Variants in TUNAR observed in about 807,000 individuals in gnomAD.
The protein encoded by TUNAR is protein TUNAR.
chr14:95,909,749 A>G lies in TUNAR; in HGVS notation c.13-13032A>G, dbSNP rs1177162612. ...CAGGGGCCAGAGGACATGGAGGTGA[A>G]TCTGACCCACCCAGGCCTGTCCTTC... is the stretch of plus-strand genomic sequence containing the variant. On this transcript the variant is annotated intron_variant, in intron 2 of 2. Transcript: ENST00000678517. Among the ~76,000 whole-genome samples, 4 of 152,174 alleles carry G rather than the reference A, an allele frequency of 2.6e-5. No homozygotes were observed. In the South Asian group the frequency reaches 6.2e-4, roughly 24 times the overall value.
intron 2 of TUNAR, among the ~76,000 whole-genome samples, chr14:95,898,919 T>C (rs1889305441): frequency 6.6e-6 from 1 of 152,192 alleles, no homozygotes. Context: ...GTTGTGAGAT[T>C]GTTCTTTGGC....
intron 2 of TUNAR, among the ~76,000 whole-genome samples, chr14:95,918,585 G>A (rs543905929): frequency 1.6e-4 from 25 of 152,310 alleles, no homozygotes; most frequent in Admixed American, 4.6e-4. Flanking sequence ...ACAAACACCC[G>A]AGGTGCAACT....
intron 2 of TUNAR, among the ~76,000 whole-genome samples, chr14:95,906,419 A>AT (rs71132379): frequency 6.6e-6 from 1 of 152,060 alleles, no homozygotes; most frequent in Admixed American, 6.5e-5. Context: ...CTTTCCTGCA[A>AT]TTTTTTTCCC....
At chr14:95,882,914 C>T (rs1205537845) in intron 2 of TUNAR, among the ~76,000 whole-genome samples, 2 of 152,118 alleles carry the variant, frequency 1.3e-5, no homozygotes, top group Admixed American at 6.5e-5. Flanking sequence ...AAAGTGAATG[C>T]CCCTGAGAGC....
At chr14:95,918,052 T>G (rs773850106) in intron 2 of TUNAR, among the ~76,000 whole-genome samples, 4 of 152,242 alleles carry the variant, frequency 2.6e-5, no homozygotes, top group Non-Finnish European at 4.4e-5. Flanking sequence ...AAGCTTTATG[T>G]CAGACATTGA....
At chr14:95,883,847 A>T (rs1347691500) in intron 2 of TUNAR, among the ~76,000 whole-genome samples, 1 of 152,212 alleles carries the variant, frequency 6.6e-6, no homozygotes, top group African/African-American at 2.4e-5. Flanking sequence ...ATTAAAATGC[A>T]TATGGGTGGA....
chr14:95,878,948 A>G (rs1273394193), intron 2 of TUNAR, among the ~76,000 whole-genome samples: 3 of 152,214 alleles, frequency 2.0e-5, no homozygotes, highest in Non-Finnish European at 2.9e-5. Flanking sequence ...CATAGGTAAA[A>G]CATTCCCAGC....
At chr14:95,916,365 A>T (rs964799441) in intron 2 of TUNAR, among the ~76,000 whole-genome samples, 1 of 152,182 alleles carries the variant, frequency 6.6e-6, no homozygotes, top group African/African-American at 2.4e-5. Context: ...TTCCCACATA[A>T]GTGGGAACAT....
chr14:95,886,103 G>C (rs918486654), intron 2 of TUNAR, among the ~76,000 whole-genome samples: 1 of 152,208 alleles, frequency 6.6e-6, no homozygotes, highest in South Asian at 2.1e-4. Context: ...CGAGCCATGG[G>C]TCTCCCTGTG....
intron 2 of TUNAR, among the ~76,000 whole-genome samples, chr14:95,883,448 G>T (rs180835336): frequency 3.9e-5 from 6 of 152,310 alleles, no homozygotes; most frequent in Admixed American, 3.9e-4. Flanking sequence ...AGGGACAACA[G>T]TTTAACAAAC....
chr14:95,893,586 C>T (rs1213897257), intron 2 of TUNAR, among the ~76,000 whole-genome samples: 2 of 152,098 alleles, frequency 1.3e-5, no homozygotes, highest in Non-Finnish European at 2.9e-5. Flanking sequence ...CCCCACTCCC[C>T]ATCAAGCAGC....
intron 2 of TUNAR, among the ~76,000 whole-genome samples, chr14:95,882,059 A>G (rs1888988346): frequency 3.9e-5 from 6 of 152,224 alleles, no homozygotes; most frequent in Admixed American, 2.6e-4. Flanking sequence ...GATGAGAAAA[A>G]TTAGACAGAA....
intron 2 of TUNAR, among the ~76,000 whole-genome samples, chr14:95,914,974 A>G (rs539765971): frequency 1.2e-3 from 182 of 152,330 alleles, no homozygotes; most frequent in Admixed American, 3.3e-3. Flanking sequence ...GTTCCTGGTT[A>G]TAAAAGTAGT....
At chr14:95,911,119 C>G (rs1236515205) in intron 2 of TUNAR, among the ~76,000 whole-genome samples, 1 of 152,220 alleles carries the variant, frequency 6.6e-6, no homozygotes. Context: ...CCTTGCATGA[C>G]TTACAAGGGC....
At chr14:95,923,009 GGAA>G (rs1566794063) in exon 3 of TUNAR, 1 of 398,912 alleles carries the variant, frequency 2.5e-6, no homozygotes, top group Non-Finnish European at 4.4e-6. Flanking sequence ...GGCCAAAGAC[GGAA>G]GTCCTGCGTG....
intron 2 of TUNAR, among the ~76,000 whole-genome samples, chr14:95,900,545 GCCA>G (rs1322539698): frequency 6.6e-6 from 1 of 152,232 alleles, no homozygotes; most frequent in Non-Finnish European, 1.5e-5. Flanking sequence ...AAAGGACTTG[GCCA>G]TGCGAAGGTT....
intron 2 of TUNAR, among the ~76,000 whole-genome samples, chr14:95,918,650 G>C (rs1261483669): frequency 6.6e-6 from 1 of 152,140 alleles, no homozygotes; most frequent in Non-Finnish European, 1.5e-5. Flanking sequence ...CAGAGTCCTC[G>C]GAAAGTAAAC....
At chr14:95,912,916 G>A (rs887196550) in intron 2 of TUNAR, among the ~76,000 whole-genome samples, 2 of 152,032 alleles carry the variant, frequency 1.3e-5, no homozygotes, top group Middle Eastern at 3.4e-3. Flanking sequence ...TCAGCCTCCC[G>A]AGTAGCTGGG....
At chr14:95,901,270 T>TG (rs971055113) in intron 2 of TUNAR, among the ~76,000 whole-genome samples, 9 of 152,250 alleles carry the variant, frequency 5.9e-5, no homozygotes, top group African/African-American at 2.2e-4. Context: ...AGCAGAAATC[T>TG]GGGCAACCAT....
Sources: gnomAD v4.1 joint callset for allele counts (sites outside exome capture counted in the v4.1 genomes callset) on GRCh38, gnomAD v4.1.1 for gene constraint, MANE v1.5 for transcripts, NCBI Gene and HGNC (gene_info 2026-07-23, HGNC 2026-07-21) for gene names.